AGBL4: variants seen among roughly 807,000 people sequenced by gnomAD.
AGBL4 encodes cytosolic carboxypeptidase 6.
Under a neutral mutation model 66.4 loss-of-function variants are expected in AGBL4, and 58 were observed. The ratio of observed to expected loss-of-function variants is 0.87; its 90% CI spans 0.71 to 1.09. The LOEUF is 1.09. Among genes scored for constraint, AGBL4 ranks in the 50% least tolerant of loss-of-function variants. The pLI, the probability that AGBL4 is intolerant of heterozygous loss-of-function variation, is 0.00. For missense variants in AGBL4, 579 were observed against 631.0 expected (o/e 0.92, Z 0.88); for synonymous variants, 234 against 222.9 (o/e 1.05, Z -0.44).
At chr1:49,038,691 T>G (rs559658864) in intron 5 of AGBL4, among the ~76,000 whole-genome samples, 1 of 152,116 alleles carries the variant, frequency 6.6e-6, no homozygotes, top group Non-Finnish European at 1.5e-5. Context: ...TCAAGAACAC[T>G]GACAACACTA....
chr1:49,913,669 C>T (rs1651088353), intron 1 of AGBL4, among the ~76,000 whole-genome samples: 1 of 152,258 alleles, frequency 6.6e-6, no homozygotes, highest in Non-Finnish European at 1.5e-5. Context: ...TCTGCACCTG[C>T]AGCAGGTTGC....
chr1:49,801,065 G>T (rs1457203975), intron 2 of AGBL4, among the ~76,000 whole-genome samples: 3 of 151,940 alleles, frequency 2.0e-5, no homozygotes, highest in Non-Finnish European at 2.9e-5. Flanking sequence ...ATTCTAACTG[G>T]TGTGACATTT....
intron 5 of AGBL4, among the ~76,000 whole-genome samples, chr1:48,987,643 A>G (rs887273200): frequency 1.3e-5 from 2 of 152,118 alleles, no homozygotes; most frequent in Non-Finnish European, 2.9e-5. Context: ...GAACAACACT[A>G]TCAACCAATT....
chr1:49,293,190 G>A (rs164830), intron 3 of AGBL4, among the ~76,000 whole-genome samples: 92,286 of 152,124 alleles, frequency 0.61, 28,667 homozygotes, highest in Middle Eastern at 0.67. Flanking sequence ...CTGGCACTTG[G>A]AGCTGCCTGC....
intron 3 of AGBL4, among the ~76,000 whole-genome samples, chr1:49,381,176 G>C (rs1416565713): frequency 6.6e-6 from 1 of 151,976 alleles, no homozygotes; most frequent in Admixed American, 6.6e-5. Flanking sequence ...CCATCAAAAA[G>C]TGGGCAAAGG....
chr1:48,529,927 A>G (rs1381012553), downstream of AGBL4, among the ~76,000 whole-genome samples: 2 of 152,094 alleles, frequency 1.3e-5, no homozygotes, highest in Non-Finnish European at 2.9e-5. Context: ...GGAATGAGAG[A>G]TAGGAAGAAG....
At chr1:49,653,251 G>A (rs1258379216) in intron 3 of AGBL4, among the ~76,000 whole-genome samples, 2 of 152,010 alleles carry the variant, frequency 1.3e-5, no homozygotes, top group East Asian at 1.9e-4. Context: ...ATTGCTAAAA[G>A]AAAAACAAGT....
Position 48,736,836 on chromosome 1 carries a change from C to T in AGBL4, c.635-73595G>A, listed in dbSNP as rs1649133147. Among the ~76,000 whole-genome samples the T allele has an allele frequency of 6.6e-6, 1 of 152,182 alleles. No homozygotes were observed. Among genetic ancestry groups the T allele is most frequent in the African/African-American group, 2.4e-5 (1 of 41,424 alleles). On this transcript the variant is annotated intron_variant, in intron 6 of 13. Transcript: ENST00000371839. The surrounding 1 kb of genome is among the most constrained non-coding windows in gnomAD (Gnocchi z 4.0). ...TATCACAAGGCTGCTCAGAGCCTTACCAAATCTCAGGACACCCATGCTTAA... is the reference window on the plus strand; with the variant it reads ...TATCACAAGGCTGCTCAGAGCCTTATCAAATCTCAGGACACCCATGCTTAA...
intron 1 of AGBL4, among the ~76,000 whole-genome samples, chr1:49,960,435 G>GA (rs887146685): frequency 1.4e-4 from 21 of 151,972 alleles, no homozygotes; most frequent in African/African-American, 5.1e-4. Context: ...GAAGGGGAGA[G>GA]ATGGGAGAGA....
intron 6 of AGBL4, among the ~76,000 whole-genome samples, chr1:48,724,291 G>A (rs1245572821): frequency 6.6e-6 from 1 of 152,182 alleles, no homozygotes; most frequent in African/African-American, 2.4e-5. Flanking sequence ...GAAAGATGAA[G>A]TAACTTGCTT....
At chr1:49,001,373 C>G (rs1461724855) in intron 5 of AGBL4, among the ~76,000 whole-genome samples, 2 of 152,172 alleles carry the variant, frequency 1.3e-5, no homozygotes, top group Non-Finnish European at 2.9e-5. Context: ...TTCTTAACTT[C>G]TGTTTGTTGG....
At chr1:49,572,284 A>T (rs1644347119) in intron 3 of AGBL4, among the ~76,000 whole-genome samples, 1 of 152,112 alleles carries the variant, frequency 6.6e-6, no homozygotes, top group South Asian at 2.1e-4. Context: ...GCATTCTTCT[A>T]TTTTAATCTG....
rs1025895881 is a variant in AGBL4, at chr1:49,631,840, T to G, written c.282+65473A>C. Among the ~76,000 whole-genome samples the G allele has an allele frequency of 2.0e-5, 3 of 152,314 alleles. No individual in the cohort carries two copies. The South Asian group carries it at 6.2e-4, about 32-fold the overall frequency. ...TACATCAAATCAATAGGAAGTCCTG[T>G]AGCCAAAGTTGGCCATCAGAAAAGT... On this transcript the variant is annotated intron_variant, in intron 3 of 13. Coordinates refer to ENST00000371839, the MANE Select transcript of AGBL4 (RefSeq NM_032785.4).
At chr1:48,996,801 A>C (rs1486239507) in intron 5 of AGBL4, among the ~76,000 whole-genome samples, 1 of 109,754 alleles carries the variant, frequency 9.1e-6, no homozygotes, top group Non-Finnish European at 1.7e-5. Flanking sequence ...GGGGCCAAGG[A>C]ATTTCCTTCC....
At chr1:48,622,577 G>A (rs897096318) in intron 9 of AGBL4, among the ~76,000 whole-genome samples, 11 of 147,562 alleles carry the variant, frequency 7.5e-5, no homozygotes, top group Non-Finnish European at 4.4e-5. Flanking sequence ...TCTGCCTCCC[G>A]GGTTCAAGGG....
chr1:48,681,334 T>C lies in AGBL4; in HGVS notation c.635-18093A>G, dbSNP rs564615992. Among the ~76,000 whole-genome samples, 17 of 152,306 alleles carry C rather than the reference T, an allele frequency of 1.1e-4. No individual in the cohort carries two copies. The South Asian group carries it at 3.5e-3, about 32-fold the overall frequency. On this transcript the variant is annotated intron_variant, in intron 6 of 13. Transcript: ENST00000371839. ...GCAGTGCATGTGAATCCTGCCCTTG[T>C]AGGTGTGAAGAGGCCACTGTCTTCC...
chr1:49,724,644 C>T (rs1268048091), intron 2 of AGBL4, among the ~76,000 whole-genome samples: 1 of 152,112 alleles, frequency 6.6e-6, no homozygotes, highest in African/African-American at 2.4e-5. Flanking sequence ...GAAACTCTAA[C>T]CCCCAATTTG....
At chr1:49,069,826 A>G (rs1644564746) in intron 4 of AGBL4, among the ~76,000 whole-genome samples, 1 of 151,900 alleles carries the variant, frequency 6.6e-6, no homozygotes, top group Non-Finnish European at 1.5e-5. Context: ...TATGGGCAGT[A>G]TAGCCATTTT....
At chr1:49,738,513 T>G (rs1466613628) in intron 2 of AGBL4, among the ~76,000 whole-genome samples, 1 of 152,180 alleles carries the variant, frequency 6.6e-6, no homozygotes, top group Non-Finnish European at 1.5e-5. Flanking sequence ...AGCAGAAACC[T>G]CTGCAGACTT....
Sources: gnomAD v4.1 joint callset for allele counts (sites outside exome capture counted in the v4.1 genomes callset) on GRCh38, gnomAD v4.1.1 for gene constraint, Gnocchi (gnomAD v3.1) non-coding constraint, MANE v1.5 for transcripts, NCBI Gene and HGNC (gene_info 2026-07-23, HGNC 2026-07-21) for gene names.